TMEM117: variants seen among roughly 807,000 people sequenced by gnomAD.
TMEM117 encodes the protein transmembrane protein 117.
Under a neutral mutation model 52.4 loss-of-function variants are expected in TMEM117, and 27 were observed. That is an observed-to-expected ratio of 0.51 (90% CI 0.38 to 0.71). The LOEUF (loss-of-function observed/expected upper bound fraction) is 0.71, where lower values mean the gene tolerates loss of function less well. Among genes scored for constraint, TMEM117 ranks in the 30% least tolerant of loss-of-function variants. The pLI, the probability that TMEM117 is intolerant of heterozygous loss-of-function variation, is 0.00. For missense variants in TMEM117, 556 were observed against 630.5 expected, an observed-to-expected ratio of 0.88 and a Z score of 1.26; for synonymous variants, 215 against 206.3, an observed-to-expected ratio of 1.04 and a Z score of -0.36.
intron 7 of TMEM117, among the ~76,000 whole-genome samples, chr12:44,382,239 G>T (rs183087227): frequency 6.6e-6 from 1 of 152,164 alleles, no homozygotes; most frequent in East Asian, 1.9e-4. Flanking sequence ...ACATACATGA[G>T]CACCTTTGTA....
At chr12:43,922,542 G>A (rs1345031247) in intron 2 of TMEM117, among the ~76,000 whole-genome samples, 1 of 152,134 alleles carries the variant, frequency 6.6e-6, no homozygotes, top group Non-Finnish European at 1.5e-5. Context: ...GCATGACTTA[G>A]CCTCATTAGG....
chr12:43,939,486 T>C lies in TMEM117; in HGVS notation c.278-4724T>C, dbSNP rs116202317. 4.5e-3 allele frequency among the ~76,000 whole-genome samples: 682 copies of C among 152,326 alleles called. 5 individuals are homozygous for C. The highest frequency in any genetic ancestry group is 0.016 in the African/African-American group (657 of 41,592). ...AGCAGAGAGTACAATATTAATAATA[T>C]TTCACATCACCTTTTCTATCACTAA... On this transcript the variant is annotated intron_variant, in intron 2 of 7. Transcript: ENST00000266534.
In TMEM117 at chr12:44,157,274, AG is replaced by A. The variant is rs1948838142; in HGVS notation, c.510+13655del. On this transcript the variant is annotated intron_variant, in intron 4 of 7. Coordinates refer to ENST00000266534, the MANE Select transcript of TMEM117 (RefSeq NM_032256.3). ...TAGTAGGTATTGTTGCCATTTGCTC[AG>A]GGGGTGGCTTATTTTTAGTAATTAT... 3.9e-5 allele frequency among the ~76,000 whole-genome samples: 6 copies of A among 152,222 alleles called. No individual in the cohort carries two copies. The East Asian group carries it at 1.2e-3, about 29-fold the overall frequency.
chr12:43,856,260 C>T (rs1190152545), intron 2 of TMEM117, among the ~76,000 whole-genome samples: 1 of 152,136 alleles, frequency 6.6e-6, no homozygotes, highest in Non-Finnish European at 1.5e-5. Flanking sequence ...ATTAGATACT[C>T]ATGACAAATA....
chr12:43,865,513 A>G (rs1229525636), intron 2 of TMEM117, among the ~76,000 whole-genome samples: 1 of 152,072 alleles, frequency 6.6e-6, no homozygotes, highest in Non-Finnish European at 1.5e-5. Context: ...CCTGGCCAGC[A>G]TCATGAAACT....
At chr12:44,279,201 T>G (rs540621192) in intron 5 of TMEM117, among the ~76,000 whole-genome samples, 2 of 152,336 alleles carry the variant, frequency 1.3e-5, no homozygotes, top group East Asian at 1.9e-4. Context: ...GTGGAATGAC[T>G]TGATATTAGG....
At chr12:44,134,927 C>T (rs1948467798) in intron 3 of TMEM117, among the ~76,000 whole-genome samples, 1 of 151,958 alleles carries the variant, frequency 6.6e-6, no homozygotes, top group East Asian at 1.9e-4. Context: ...GTATGCATGT[C>T]CCAGGAAGGC....
At chr12:43,845,025 C>T in intron 2 of TMEM117, 97 bp downstream of exon 2, 1 of 1,426,294 alleles carries the variant, frequency 7.0e-7, no homozygotes, top group Non-Finnish European at 9.4e-7. Flanking sequence ...ATGTAGGAGG[C>T]ATTTTAGTTT....
intron 3 of TMEM117, among the ~76,000 whole-genome samples, chr12:44,035,320 G>A (rs1946694058): frequency 6.6e-6 from 1 of 152,178 alleles, no homozygotes; most frequent in South Asian, 2.1e-4. Flanking sequence ...TTGAGTAGAT[G>A]ACTGCTTATG....
In TMEM117 at chr12:44,131,002, T is replaced by A. The variant is rs138871132; in HGVS notation, c.411-12523T>A. Reference sequence around the variant, plus strand: ...GTTGGTCTATTGTATAATTCCTTTTTTCTTTACTGCTTATTTAATTGAAGT... The same window carrying A: ...GTTGGTCTATTGTATAATTCCTTTTATCTTTACTGCTTATTTAATTGAAGT... On this transcript the variant is annotated intron_variant, in intron 3 of 7. Transcript: ENST00000266534. Among the ~76,000 whole-genome samples, 294 of 152,248 alleles carry A rather than the reference T, an allele frequency of 1.9e-3. 6 individuals carry two copies. In the East Asian group the frequency reaches 0.035, roughly 18 times the overall value.
upstream of TMEM117, among the ~76,000 whole-genome samples, chr12:43,832,235 A>G (rs1306175011): frequency 6.6e-6 from 1 of 152,266 alleles, no homozygotes; most frequent in Non-Finnish European, 1.5e-5. Context: ...TACTGGGCCA[A>G]TTGATTTTGA....
intron 3 of TMEM117, among the ~76,000 whole-genome samples, chr12:44,093,132 G>A (rs1445022173): frequency 2.0e-5 from 3 of 152,102 alleles, no homozygotes; most frequent in African/African-American, 7.2e-5. Flanking sequence ...CCGTAAGAAC[G>A]CTAATTGGGC....
At chr12:44,075,847 G>A (rs1261316223) in intron 3 of TMEM117, among the ~76,000 whole-genome samples, 1 of 152,140 alleles carries the variant, frequency 6.6e-6, no homozygotes, top group African/African-American at 2.4e-5. Flanking sequence ...CTGTGGCCAG[G>A]TAGTATCATA....
At chr12:43,871,702 T>C (rs1247712001) in intron 2 of TMEM117, among the ~76,000 whole-genome samples, 4 of 152,228 alleles carry the variant, frequency 2.6e-5, no homozygotes, top group Admixed American at 1.3e-4. Flanking sequence ...ATTGATCTGA[T>C]TTGATAATTT....
chr12:44,190,001 A>C (rs1949329768), intron 4 of TMEM117, among the ~76,000 whole-genome samples: 1 of 152,210 alleles, frequency 6.6e-6, no homozygotes, highest in East Asian at 1.9e-4. Flanking sequence ...TTGCTCAATT[A>C]AGTAAGAAGA....
At chr12:43,941,423 A>G (rs1036938399) in intron 2 of TMEM117, among the ~76,000 whole-genome samples, 1 of 152,224 alleles carries the variant, frequency 6.6e-6, no homozygotes, top group African/African-American at 2.4e-5. Flanking sequence ...TGCCAGGACA[A>G]CAATTATAAA....
intron 2 of TMEM117, among the ~76,000 whole-genome samples, chr12:43,943,639 CT>C (rs745990475): frequency 1.5e-4 from 23 of 152,174 alleles, no homozygotes; most frequent in Non-Finnish European, 2.8e-4. Context: ...CTCATATGCA[CT>C]TGTGTTTGTA....
chr12:44,025,894 C>T (rs1010193664), intron 3 of TMEM117, among the ~76,000 whole-genome samples: 1 of 150,732 alleles, frequency 6.6e-6, no homozygotes, highest in Non-Finnish European at 1.5e-5. Flanking sequence ...CAAAGAATTA[C>T]CTATCCGCCC....
intron 3 of TMEM117, among the ~76,000 whole-genome samples, chr12:44,091,800 C>T (rs1169741944): frequency 1.3e-5 from 2 of 152,176 alleles, no homozygotes; most frequent in Non-Finnish European, 1.5e-5. Flanking sequence ...CAATTTAAAA[C>T]TGCATGTTTC....
Sources: allele counts gnomAD v4.1 joint callset (sites outside exome capture counted in the v4.1 genomes callset), GRCh38; gene constraint gnomAD v4.1.1; transcripts MANE v1.5; gene names NCBI Gene and HGNC (gene_info 2026-07-23, HGNC 2026-07-21).